RNLS: variants seen among roughly 807,000 people sequenced by gnomAD.
The protein encoded by RNLS is renalase.
RNLS carries 39 observed loss-of-function variants against 39.8 expected under a neutral mutation model. The observed-to-expected ratio is 0.98, with a 90% CI of 0.76 to 1.28. The LOEUF (loss-of-function observed/expected upper bound fraction) is 1.28. Among genes scored for constraint, RNLS ranks in the 50% most tolerant of loss-of-function variants. The pLI is 0.00. For missense variants in RNLS, 410 were observed against 413.3 expected (o/e 0.99, Z 0.07); for synonymous variants, 147 against 150.7 (o/e 0.98, Z 0.18).
chr10:88,489,353 T>C (rs976947825), intron 4 of RNLS, among the ~76,000 whole-genome samples: 3 of 152,122 alleles, frequency 2.0e-5, no homozygotes, highest in Non-Finnish European at 2.9e-5. Context: ...AAAGAGAAAA[T>C]CAATCCTCCA....
the RNLS span, among the ~76,000 whole-genome samples, chr10:88,211,428 G>T: frequency 6.6e-6 from 1 of 152,210 alleles, no homozygotes; most frequent in Non-Finnish European, 1.5e-5. Flanking sequence ...TGGAACACTA[G>T]ACATGATCAT....
At chr10:88,318,319 T>C (rs747306995) in intron 5 of RNLS, among the ~76,000 whole-genome samples, 2 of 152,104 alleles carry the variant, frequency 1.3e-5, no homozygotes, top group Non-Finnish European at 2.9e-5. Context: ...AAAGTCTCCC[T>C]TGGGACAAAG....
chr10:88,317,739 G>C lies in RNLS; in HGVS notation c.701-3098C>G, dbSNP rs545063972. On this transcript the variant is annotated intron_variant, in intron 5 of 6. Coordinates refer to ENST00000331772, the MANE Select transcript of RNLS (RefSeq NM_001031709.3). ...CTTTTCAGAAAGATCAAAGTTATCT[G>C]TGAATGGACAAGTTCCAAATGCAAA... Among the ~76,000 whole-genome samples the C allele has an allele frequency of 2.0e-5, 3 of 152,266 alleles. No homozygotes were observed. The East Asian group carries it at 5.8e-4, about 29-fold the overall frequency.
chr10:88,198,608 G>A, the RNLS span, among the ~76,000 whole-genome samples: 4 of 152,064 alleles, frequency 2.6e-5, no homozygotes, highest in Non-Finnish European at 1.5e-5. Context: ...ATTGGATCAT[G>A]GGTCACTCTT....
At chr10:88,313,509 G>A (rs1845535795) in intron 6 of RNLS, among the ~76,000 whole-genome samples, 1 of 152,180 alleles carries the variant, frequency 6.6e-6, no homozygotes, top group African/African-American at 2.4e-5. Flanking sequence ...AAGATTCACT[G>A]TGTAATTTGA....
At chr10:88,537,898 T>A (rs1847850040) in intron 4 of RNLS, among the ~76,000 whole-genome samples, 1 of 152,062 alleles carries the variant, frequency 6.6e-6, no homozygotes. Flanking sequence ...TTAAAGACAA[T>A]GAAAAAGATA....
chr10:88,407,183 C>T (rs1321743330), intron 4 of RNLS, among the ~76,000 whole-genome samples: 1 of 151,956 alleles, frequency 6.6e-6, no homozygotes, highest in East Asian at 1.9e-4. Flanking sequence ...CTCCTGAATC[C>T]CAATAACTTA....
chr10:88,331,588 G>A (rs1361698725), intron 5 of RNLS, among the ~76,000 whole-genome samples: 1 of 152,150 alleles, frequency 6.6e-6, no homozygotes, highest in Non-Finnish European at 1.5e-5. Context: ...GTGTGCAAAT[G>A]AACGTTCTAA....
intron 5 of RNLS, among the ~76,000 whole-genome samples, chr10:88,356,496 TA>T (rs1849201548): frequency 6.6e-6 from 1 of 152,242 alleles, no homozygotes; most frequent in Non-Finnish European, 1.5e-5. Context: ...CCCAGTTATT[TA>T]TAACATCTCA....
At chr10:88,398,468 A>G (rs1852707678) in intron 4 of RNLS, among the ~76,000 whole-genome samples, 1 of 152,144 alleles carries the variant, frequency 6.6e-6, no homozygotes, top group South Asian at 2.1e-4. Context: ...AGCATTTGAA[A>G]GAAATCCTCA....
At chr10:88,440,451 G>A (rs977035543) in intron 4 of RNLS, among the ~76,000 whole-genome samples, 2 of 152,138 alleles carry the variant, frequency 1.3e-5, no homozygotes, top group Admixed American at 1.3e-4. Flanking sequence ...AAAGAAAAGT[G>A]CTACTCACTT....
intron 4 of RNLS, among the ~76,000 whole-genome samples, chr10:88,537,164 C>T (rs1439139938): frequency 6.6e-6 from 1 of 152,084 alleles, no homozygotes; most frequent in Non-Finnish European, 1.5e-5. Flanking sequence ...TAGTAAAAAG[C>T]AAACCTTTAC....
intron 4 of RNLS, among the ~76,000 whole-genome samples, chr10:88,496,258 G>A (rs1409817734): frequency 6.6e-6 from 1 of 152,120 alleles, no homozygotes; most frequent in Non-Finnish European, 1.5e-5. Flanking sequence ...AGGAATTAAG[G>A]AATTGATAAG....
intron 4 of RNLS, among the ~76,000 whole-genome samples, chr10:88,408,439 AG>A (rs931880166): frequency 3.3e-5 from 5 of 152,034 alleles, no homozygotes; most frequent in African/African-American, 1.2e-4. Context: ...GAATAAGTTT[AG>A]TGCCCTAATG....
In RNLS at chr10:88,362,664, C is replaced by T. The variant is rs769423004; in HGVS notation, c.588G>A (p.Leu196=). 4.3e-6 allele frequency: 7 copies of T among 1,613,950 alleles called. No homozygotes were observed. The highest frequency in any genetic ancestry group is 5.1e-6 in the Non-Finnish European group (6 of 1,179,926). The part of the protein sequence containing the change: ...EAVSYSSRYA[L]GLFYEAGTKI... ...TCGTACCAGCTTCATAAAAGAGGCC[C>T]AGAGCATATCGAGAGGAGTAGCTCA... is the stretch of plus-strand genomic sequence containing the variant. The change falls in exon 5 of 7, where the codon CTG becomes CTA. Residue 196 remains leucine (L), a synonymous_variant. Coordinates refer to ENST00000331772, the MANE Select transcript of RNLS (RefSeq NM_001031709.3).
intron 4 of RNLS, among the ~76,000 whole-genome samples, chr10:88,433,957 A>C (rs940285152): frequency 2.0e-5 from 3 of 152,150 alleles, no homozygotes; most frequent in African/African-American, 7.2e-5. Flanking sequence ...GTTGTTGCTT[A>C]AGAGAAGCTT....
downstream of RNLS, among the ~76,000 whole-genome samples, chr10:88,270,178 T>C (rs1842611396): frequency 6.6e-6 from 1 of 152,220 alleles, no homozygotes; most frequent in African/African-American, 2.4e-5. Flanking sequence ...ATGACACTTA[T>C]TTCTACCTAT....
At chr10:88,421,498 T>C (rs964799058) in intron 4 of RNLS, among the ~76,000 whole-genome samples, 5 of 152,184 alleles carry the variant, frequency 3.3e-5, no homozygotes, top group African/African-American at 4.8e-5. Flanking sequence ...AAGCTTCTCA[T>C]ATGTGTTCAT....
intron 6 of RNLS, among the ~76,000 whole-genome samples, chr10:88,303,689 CT>C (rs1844704464): frequency 6.6e-6 from 1 of 152,164 alleles, no homozygotes; most frequent in South Asian, 2.1e-4. Context: ...TGCAGACAGC[CT>C]TGATGGGCAC....
Sources: allele counts gnomAD v4.1 joint callset (sites outside exome capture counted in the v4.1 genomes callset), GRCh38; gene constraint gnomAD v4.1.1; transcripts MANE v1.5; gene names NCBI Gene and HGNC (gene_info 2026-07-23, HGNC 2026-07-21).